TAF15: variants seen among roughly 807,000 people sequenced by gnomAD.
TAF15 encodes the protein TATA-box binding protein associated factor 15.
A neutral mutation model predicts 102.5 loss-of-function variants in TAF15; 37 were observed. That is an observed-to-expected ratio of 0.36 (90% CI 0.28 to 0.47). The LOEUF is 0.47. Among genes scored for constraint, TAF15 ranks in the 20% least tolerant of loss-of-function variants. TAF15 has a pLI of 0.99. For missense variants in TAF15, 652 were observed against 760.7 expected, an observed-to-expected ratio of 0.86 and a Z score of 1.68; for synonymous variants, 273 against 259.2, an observed-to-expected ratio of 1.05 and a Z score of -0.51.
At position 35,844,117 on chromosome 17, in the gene TAF15, A is replaced by T; in HGVS notation, c.1047A>T (p.Arg349Ser). 6.2e-7 allele frequency: 1 copy of T among 1,613,854 alleles called. No homozygotes were observed. Among genetic ancestry groups the T allele is most frequent in the African/African-American group, 1.3e-5 (1 of 74,910 alleles). The change falls in exon 13 of 16, where the codon AGA (arginine) becomes AGT (serine). Residue 349 changes from arginine to serine, a missense_variant. Physicochemically the swap from Arg to Ser is moderately radical, Grantham distance 110 (BLOSUM62 -1). This residue lies in a region of TAF15 where 368 missense variants were observed against 367.5 expected (regional missense o/e 1.00). Transcript: ENST00000605844. Reference protein sequence around the residue: ...GYRGRGGFQGRGGDPKSGDWV... With the variant: ...GYRGRGGFQGSGGDPKSGDWV... ...GAGGTCGTGGAGGCTTTCAAGGGAG[A>T]GGTGGAGACCCCAAAAGTGGGGATT...
At chr17:35,837,107 A>G (rs1205957267) in intron 10 of TAF15, among the ~76,000 whole-genome samples, 1 of 151,576 alleles carries the variant, frequency 6.6e-6, no homozygotes, top group Non-Finnish European at 1.5e-5. Context: ...TGGGAGTTAT[A>G]ATTTGTTAAG....
intron 7 of TAF15, among the ~76,000 whole-genome samples, chr17:35,825,713 C>A (rs2087316736): frequency 6.6e-6 from 1 of 152,116 alleles, no homozygotes; most frequent in Admixed American, 6.5e-5. Flanking sequence ...CTTTGGGAGG[C>A]CGAGGCGGGC....
intron 7 of TAF15, among the ~76,000 whole-genome samples, chr17:35,825,630 G>C (rs903622805): frequency 2.0e-5 from 3 of 152,166 alleles, no homozygotes; most frequent in African/African-American, 7.2e-5. Context: ...AGAAGATAGG[G>C]AATAGGTAGG....
rs771783055 is a variant in TAF15 at position 35,822,728 on chromosome 17, G to A, written c.379G>A (p.Gly127Ser). The A allele has an allele frequency of 1.9e-5, 31 of 1,614,084 alleles. No individual in the cohort carries two copies. The highest frequency in any genetic ancestry group is 1.6e-4 in the Middle Eastern group (1 of 6,062). ...GCAGTCAGGCTATGATCAACATCAA[G>A]GCTCATATGATGAGCAGTCAAATTA... Reference protein sequence around the residue: ...DQQSGYDQHQGSYDEQSNYDQ... With the variant: ...DQQSGYDQHQSSYDEQSNYDQ... Residue 127 changes from glycine (G) to serine (S), a missense_variant, in exon 6 of 16, where the codon GGC (glycine) becomes AGC (serine). Physicochemically the swap from Gly to Ser is moderately conservative, Grantham distance 56 (BLOSUM62 0). Coordinates refer to ENST00000605844, the MANE Select transcript of TAF15 (RefSeq NM_139215.3).
chr17:35,817,650 C>G (rs1335227109), intron 1 of TAF15, 66 bp from the exon 2 acceptor site: 1 of 1,435,410 alleles, frequency 7.0e-7, no homozygotes, highest in Non-Finnish European at 9.8e-7. Flanking sequence ...TCTGTATGAG[C>G]TAAAGTCAGC....
At chr17:35,845,424 T>C (rs911976415) in intron 15 of TAF15, among the ~76,000 whole-genome samples, 6 of 152,194 alleles carry the variant, frequency 3.9e-5, no homozygotes, top group Middle Eastern at 3.4e-3. Context: ...CTCGCCAATT[T>C]TTTTTATTTT....
At chr17:35,820,002 G>A in intron 2 of TAF15, 22 bp from the exon 3 acceptor site, 1 of 1,610,874 alleles carries the variant, frequency 6.2e-7, no homozygotes, top group South Asian at 1.1e-5. Context: ...TTTCTTTCAA[G>A]TATTAAATTT....
chr17:35,820,338 C>T lies in TAF15; in HGVS notation c.191C>T (p.Ser64Leu), dbSNP rs1055033083. 5 of 1,613,958 alleles carry T rather than the reference C, an allele frequency of 3.1e-6. No individual in the cohort carries two copies. Among genetic ancestry groups the T allele is most frequent in the Non-Finnish European group, 4.2e-6 (5 of 1,179,908 alleles). The change falls in exon 5 of 16, where the codon TCA becomes TTA. Residue 64 changes from serine to leucine, a missense_variant. Ser to Leu is a moderately radical substitution (Grantham distance 145). Transcript: ENST00000605844. ...SSYGQSQSGY[S>L]QSYGGYENQK... ...ATACTCATCTAATCTTTAGGTTATT[C>T]ACAGTCCTATGGTGGTTATGAGAAT...
At chr17:35,817,591 G>A in intron 1 of TAF15, 125 bp from the exon 2 acceptor site, 1 of 791,726 alleles carries the variant, frequency 1.3e-6, no homozygotes, top group Non-Finnish European at 2.1e-6. Flanking sequence ...TATTTAACTT[G>A]AGTTAGTTTT....
chr17:35,817,316 T>TC, intron 1 of TAF15: 2 of 197,002 alleles, frequency 1.0e-5, no homozygotes, highest in Non-Finnish European at 2.1e-5. Context: ...TATCTTGGGG[T>TC]GGTAAGGATG....
chr17:35,836,073 T>C, intron 9 of TAF15, 59 bp from the exon 10 acceptor site: 5 of 1,182,894 alleles, frequency 4.2e-6, no homozygotes, highest in Non-Finnish European at 6.3e-6. Context: ...CTTTGATTAC[T>C]GAACAGAATG....
intron 9 of TAF15, among the ~76,000 whole-genome samples, chr17:35,835,862 G>A (rs528986991): frequency 6.6e-6 from 1 of 152,348 alleles, no homozygotes; most frequent in East Asian, 1.9e-4. Context: ...TGAAGAGTGA[G>A]GTTTGTAAGA....
chr17:35,819,572 A>C (rs1354615376), intron 2 of TAF15, among the ~76,000 whole-genome samples: 1 of 152,210 alleles, frequency 6.6e-6, no homozygotes, highest in African/African-American at 2.4e-5. Flanking sequence ...TAGGAAGTTA[A>C]AGCCATTTAA....
intron 9 of TAF15, among the ~76,000 whole-genome samples, chr17:35,835,331 A>G (rs979337535): frequency 1.3e-5 from 2 of 152,230 alleles, no homozygotes; most frequent in African/African-American, 4.8e-5. Context: ...CAAGAAACCT[A>G]AATTCATACA....
At chr17:35,839,914 GTAAC>G (rs1197986211) in intron 11 of TAF15, among the ~76,000 whole-genome samples, 1 of 152,070 alleles carries the variant, frequency 6.6e-6, no homozygotes, top group East Asian at 1.9e-4. Flanking sequence ...TAATTTAACA[GTAAC>G]TAACACTTAC....
At position 35,837,062 on chromosome 17, in the gene TAF15, C is replaced by T. The variant is rs543219774; in HGVS notation, c.783+821C>T. Among the ~76,000 whole-genome samples the T allele has an allele frequency of 2.6e-5, 4 of 152,268 alleles. No homozygotes were observed. In the East Asian group the frequency reaches 7.7e-4, roughly 29 times the overall value. ...GTCCCAGGATTACAGTAGGAATGAG[C>T]CACCGTGCCCGGCCTACTCACTTTT... On this transcript the variant is annotated intron_variant, in intron 10 of 15. Transcript: ENST00000605844.
In TAF15 at chr17:35,815,381, T is replaced by G. The variant is rs1377875877; in HGVS notation, c.8-2335T>G. ...ATGTAAAACACCTGCACTTTATCAC[T>G]CAAGGATTTATACCAAGGGACAGAT... On this transcript the variant is annotated intron_variant, in intron 1 of 15. Transcript: ENST00000605844. 2.6e-5 allele frequency among the ~76,000 whole-genome samples: 4 copies of G among 152,216 alleles called. No homozygotes were observed. The East Asian group carries it at 5.8e-4, about 22-fold the overall frequency.
At position 35,844,305 on chromosome 17, in the gene TAF15, C is replaced by T. The variant is rs1323607123; in HGVS notation, c.1114C>T (p.Arg372Ter). 1.2e-6 allele frequency: 2 copies of T among 1,614,012 alleles called. No individual in the cohort carries two copies. The highest frequency in any genetic ancestry group is 1.1e-5 in the South Asian group (1 of 91,084). The change falls in exon 14 of 16, where the codon CGA (arginine) becomes TGA (stop). Residue 372 changes from arginine (R) to a stop codon, truncating the protein, a stop_gained. Coordinates refer to ENST00000605844, the MANE Select transcript of TAF15 (RefSeq NM_139215.3). LOFTEE classifies it high-confidence loss of function. ...NPSCGNMNFARRNSCNQCNEP... is the reference protein window; with the variant it reads ...NPSCGNMNFA ...GTCATGCGGAAATATGAACTTTGCT[C>T]GAAGGAATTCCTGCAATCAGTGCAA...
At chr17:35,825,698 C>T (rs1435137777) in intron 7 of TAF15, among the ~76,000 whole-genome samples, 1 of 152,120 alleles carries the variant, frequency 6.6e-6, no homozygotes, top group African/African-American at 2.4e-5. Context: ...CCTGTAATCC[C>T]AGCACTTTGG....
Sources: allele counts gnomAD v4.1 joint callset (sites outside exome capture counted in the v4.1 genomes callset), GRCh38; gene constraint gnomAD v4.1.1; regional missense constraint gnomAD v4.1.1; transcripts MANE v1.5; gene names NCBI Gene and HGNC (gene_info 2026-07-23, HGNC 2026-07-21).